KIAA1217: variants seen among roughly 807,000 people sequenced by gnomAD.
KIAA1217 encodes the protein KIAA1217.
Under a neutral mutation model 163.9 loss-of-function variants are expected in KIAA1217, and 88 were observed. The observed-to-expected ratio is 0.54, with a 90% CI of 0.45 to 0.64. The LOEUF is 0.64. Among genes scored for constraint, KIAA1217 ranks in the 30% least tolerant of loss-of-function variants. KIAA1217 has a pLI of 0.00. For synonymous variants in KIAA1217, 903 were observed against 923.1 expected, an observed-to-expected ratio of 0.98 and a Z score of 0.39; for missense variants, 2,372 against 2,475.0, an observed-to-expected ratio of 0.96 and a Z score of 0.88.
At chr10:24,029,669 T>C (rs1848112277) in intron 2 of KIAA1217, among the ~76,000 whole-genome samples, 1 of 152,172 alleles carries the variant, frequency 6.6e-6, no homozygotes, top group African/African-American at 2.4e-5. Flanking sequence ...CCAAGAAAAG[T>C]ACAAAGCCAG....
intron 1 of KIAA1217, among the ~76,000 whole-genome samples, chr10:23,891,184 G>A (rs998989755): frequency 6.6e-6 from 1 of 151,982 alleles, no homozygotes; most frequent in African/African-American, 2.4e-5. Flanking sequence ...ACTTTTAAAT[G>A]CAGTTTGATA....
intron 2 of KIAA1217, among the ~76,000 whole-genome samples, chr10:24,036,535 G>A (rs946439100): frequency 3.3e-5 from 5 of 152,122 alleles, no homozygotes; most frequent in African/African-American, 7.2e-5. Context: ...AAGAAAAGAC[G>A]TTTATTTGGC....
intron 3 of KIAA1217, among the ~76,000 whole-genome samples, chr10:24,410,243 G>A (rs896112293): frequency 3.9e-5 from 6 of 152,066 alleles, no homozygotes; most frequent in African/African-American, 9.7e-5. Context: ...CAATCCGCCC[G>A]CCTTGGCCTC....
intron 1 of KIAA1217, among the ~76,000 whole-genome samples, chr10:23,820,487 A>G (rs1223037922): frequency 2.6e-5 from 4 of 152,196 alleles, no homozygotes; most frequent in African/African-American, 9.6e-5. Context: ...AAAATATTCT[A>G]TTGTTCACTG....
intron 9 of KIAA1217, among the ~76,000 whole-genome samples, 181 bp downstream of exon 9, chr10:24,501,726 C>CTTT (rs1554909743): frequency 9.0e-6 from 1 of 111,528 alleles, no homozygotes; most frequent in Non-Finnish European, 1.9e-5. Context: ...TCTATAACCA[C>CTTT]TTCTTTTTTT....
chr10:24,370,264 CAAAA>C (rs5783891), intron 2 of KIAA1217, among the ~76,000 whole-genome samples: 3 of 73,444 alleles, frequency 4.1e-5, no homozygotes, highest in African/African-American at 1.0e-4. Flanking sequence ...GACTCTGTCT[CAAAA>C]AAAAAAAAAA....
chr10:23,989,399 G>C (rs2131433307), intron 1 of KIAA1217, among the ~76,000 whole-genome samples: 1 of 152,328 alleles, frequency 6.6e-6, no homozygotes, highest in Admixed American at 6.5e-5. Context: ...TGATAAAGAA[G>C]TGGATAGTCA....
intron 8 of KIAA1217, among the ~76,000 whole-genome samples, chr10:24,499,501 G>A: frequency 6.6e-6 from 1 of 152,210 alleles, no homozygotes; most frequent in Non-Finnish European, 1.5e-5. Context: ...GGGAGGCCGA[G>A]GCAGGTGGAT....
intron 5 of KIAA1217, among the ~76,000 whole-genome samples, chr10:24,454,345 G>A (rs2061609171): frequency 6.6e-6 from 1 of 152,174 alleles, no homozygotes; most frequent in Non-Finnish European, 1.5e-5. Context: ...GTTTGACTCA[G>A]TTGATCGACA....
At chr10:23,812,696 T>C (rs1837128008) in intron 1 of KIAA1217, among the ~76,000 whole-genome samples, 1 of 152,140 alleles carries the variant, frequency 6.6e-6, no homozygotes, top group East Asian at 1.9e-4. Flanking sequence ...CTGCCTCCCA[T>C]CAATTTTCTA....
intron 3 of KIAA1217, among the ~76,000 whole-genome samples, chr10:24,399,285 A>G: frequency 6.6e-6 from 1 of 152,200 alleles, no homozygotes; most frequent in Non-Finnish European, 1.5e-5. Context: ...TCATTTAGAA[A>G]TATTTACATC....
intron 2 of KIAA1217, among the ~76,000 whole-genome samples, chr10:24,299,172 TGACC>T (rs1193971012): frequency 1.3e-5 from 2 of 152,186 alleles, no homozygotes; most frequent in African/African-American, 4.8e-5. Context: ...TTAGAGAAGT[TGACC>T]GAGTTTTCTA....
At chr10:23,990,336 T>C (rs1415470937) in intron 1 of KIAA1217, among the ~76,000 whole-genome samples, 4 of 152,222 alleles carry the variant, frequency 2.6e-5, no homozygotes, top group Admixed American at 6.5e-5. Context: ...TATTTGTCAG[T>C]TCTGCTTAAA....
chr10:24,338,585 G>A (rs903290272), intron 2 of KIAA1217, among the ~76,000 whole-genome samples: 6 of 152,220 alleles, frequency 3.9e-5, no homozygotes, highest in African/African-American at 1.2e-4. Context: ...AAGAAGCTGA[G>A]CATGTTTTAC....
At chr10:24,149,322 G>A (rs898014261) in intron 2 of KIAA1217, among the ~76,000 whole-genome samples, 10 of 152,132 alleles carry the variant, frequency 6.6e-5, no homozygotes, top group African/African-American at 2.4e-4. Context: ...TGGGATTACA[G>A]GTGTTTGCCA....
chr10:23,722,785 C>T (rs1837938874), intron 1 of KIAA1217, among the ~76,000 whole-genome samples: 1 of 152,160 alleles, frequency 6.6e-6, no homozygotes, highest in Non-Finnish European at 1.5e-5. Context: ...TTAGTCTGTG[C>T]AGTAAGAAGC....
At chr10:24,096,215 T>C (rs1450150790) in intron 2 of KIAA1217, among the ~76,000 whole-genome samples, 2 of 152,242 alleles carry the variant, frequency 1.3e-5, no homozygotes, top group Non-Finnish European at 2.9e-5. Flanking sequence ...TGGTTGTCTG[T>C]TGTTTGTGCT....
chr10:23,838,527 C>T (rs1340586078), intron 1 of KIAA1217, among the ~76,000 whole-genome samples: 2 of 151,952 alleles, frequency 1.3e-5, no homozygotes, highest in Non-Finnish European at 2.9e-5. Flanking sequence ...GTGGCACCAT[C>T]TATGCTCACT....
At chr10:24,082,609 T>C (rs117244789) in intron 2 of KIAA1217, among the ~76,000 whole-genome samples, 88 of 152,348 alleles carry the variant, frequency 5.8e-4, no homozygotes, top group Non-Finnish European at 1.1e-3. Context: ...TATTCTATGG[T>C]GTATATGTAC....
Sources: allele counts gnomAD v4.1 joint callset (sites outside exome capture counted in the v4.1 genomes callset), GRCh38; gene constraint gnomAD v4.1.1; transcripts MANE v1.5; gene names NCBI Gene and HGNC (gene_info 2026-07-23, HGNC 2026-07-21).